CARS1: variants seen among roughly 807,000 people sequenced by gnomAD.
CARS1 encodes the protein cysteine--tRNA ligase, cytoplasmic.
Under a neutral mutation model 106.2 loss-of-function variants are expected in CARS1, and 48 were observed. The ratio of observed to expected loss-of-function variants is 0.45; its 90% confidence interval spans 0.36 to 0.57. The LOEUF (loss-of-function observed/expected upper bound fraction) is 0.57, where lower values mean the gene tolerates loss of function less well. CARS1 is among the 20% of genes least tolerant of loss of function. The pLI is 0.00. For synonymous variants in CARS1, 409 were observed against 403.4 expected, an observed-to-expected ratio of 1.01 and a Z score of -0.17; for missense variants, 968 against 1,057.2, an observed-to-expected ratio of 0.92 and a Z score of 1.17.
In CARS1 at chr11:3,043,939, G is replaced by C. The variant is rs563538203; in HGVS notation, c.275-1683C>G. On this transcript the variant is annotated intron_variant, in intron 2 of 22. Transcript: ENST00000380525. This position sits in a 1 kb window ranked among gnomAD's most constrained non-coding sequence, Gnocchi z 4.0. The stretch of plus-strand genomic sequence containing the variant: ...GTCACAGGTGGTCAGATTCTAAAGC[G>C]TAGGCAATCTCCAATCTTAATCAAA... 6.6e-6 allele frequency among the ~76,000 whole-genome samples: 1 copy of C among 152,266 alleles called. No homozygotes were observed. Among genetic ancestry groups the C allele is most frequent in the African/African-American group, 2.4e-5 (1 of 41,558 alleles).
Position 3,019,027 on chromosome 11 carries a change from G to A in CARS1, c.1395+112C>T. 1.6e-6 allele frequency: 2 copies of A among 1,253,088 alleles called. No individual in the cohort carries two copies. The highest frequency in any genetic ancestry group is 2.4e-5 in the East Asian group (1 of 42,202). 77.6% of individuals were successfully genotyped at this position (1,253,088 alleles called of 1,614,324 possible). A position where few individuals can be genotyped will look rare whatever the true frequency, so the allele number is the denominator to read the frequency against. On this transcript the variant is annotated intron_variant, in intron 12 of 22. Coordinates refer to ENST00000380525, the MANE Select transcript of CARS1 (RefSeq NM_001014437.3). This position sits in a 1 kb window ranked among gnomAD's most constrained non-coding sequence, Gnocchi z 6.2. Reference sequence around the variant, plus strand: ...GATTCCACCCACAAGCCCCGATGAAGGTGTCAAGTTCTAGTGAGAGAGGCC... The same window carrying A: ...GATTCCACCCACAAGCCCCGATGAAAGTGTCAAGTTCTAGTGAGAGAGGCC...
In CARS1 at chr11:3,046,618, C is replaced by T. The variant is rs766254083; in HGVS notation, c.274+1135G>A. The stretch of plus-strand genomic sequence containing the variant: ...AAACAGTGATCTAGCAGAGGCCTGA[C>T]CCACGGCAGAGGCGGGGGGGCATGT... On this transcript the variant is annotated intron_variant, in intron 2 of 22. Transcript: ENST00000380525. The surrounding 1 kb of genome is among the most constrained non-coding windows in gnomAD (Gnocchi z 5.8). 1.3e-5 allele frequency among the ~76,000 whole-genome samples: 2 copies of T among 152,220 alleles called. No homozygotes were observed. Among genetic ancestry groups the T allele is most frequent in the South Asian group, 4.1e-4 (2 of 4,834 alleles).
At chr11:3,055,285 G>A (rs960477526) in intron 1 of CARS1, among the ~76,000 whole-genome samples, 3 of 152,074 alleles carry the variant, frequency 2.0e-5, no homozygotes, top group Non-Finnish European at 4.4e-5. Flanking sequence ...CTCAGCCTCC[G>A]AGTAGTCAGG....
Position 3,019,627 on chromosome 11 carries a change from C to T in CARS1, c.1267-360G>A, listed in dbSNP as rs184035066. ...GCTGAGGCAGGAGAATTGCTTGAACCGGGACTAGGAGGCAGAGGTTGCAGT... is the reference window on the plus strand; with the variant it reads ...GCTGAGGCAGGAGAATTGCTTGAACTGGGACTAGGAGGCAGAGGTTGCAGT... On this transcript the variant is annotated intron_variant, in intron 11 of 22. Transcript: ENST00000380525. This position sits in a 1 kb window ranked among gnomAD's most constrained non-coding sequence, Gnocchi z 6.2. Among the ~76,000 whole-genome samples, 12 of 151,526 alleles carry T rather than the reference C, an allele frequency of 7.9e-5. No homozygotes were observed. The highest frequency in any genetic ancestry group is 1.7e-4 in the African/African-American group (7 of 41,268).
At position 3,018,225 on chromosome 11, in the gene CARS1, C is replaced by G. The variant is rs1249109437; in HGVS notation, c.1629+183G>C. The G allele has an allele frequency of 1.1e-5, 7 of 614,034 alleles. No individual in the cohort carries two copies. The African/African-American group carries it at 1.3e-4, about 11-fold the overall frequency. 38.0% of individuals were successfully genotyped at this position (614,034 alleles called of 1,614,324 possible). A position where few individuals can be genotyped will look rare whatever the true frequency, so the allele number is the denominator to read the frequency against. ...CGAGGCCTCTGTCCACTCTGCTGAG[C>G]CGTCAGCCATTTCAGGAGTGGCCCC... On this transcript the variant is annotated intron_variant, in intron 14 of 22. Transcript: ENST00000380525.
rs186696843 is a variant in CARS1, at chr11:3,032,028, C to T, written c.802-2585G>A. Among the ~76,000 whole-genome samples the T allele has an allele frequency of 4.8e-3, 69 of 14,414 alleles. 5 individuals are homozygous for T. Among genetic ancestry groups the T allele is most frequent in the African/African-American group, 0.012 (54 of 4,592 alleles). 9.5% of individuals were successfully genotyped at this position (14,414 alleles called of 152,430 possible). ...CCTCCCTCCCTCCCTCCCTCCCTCC[C>T]TCCCTCCCTCCCTCCCTCCCTCCCT... On this transcript the variant is annotated intron_variant, in intron 7 of 22. Coordinates refer to ENST00000380525, the MANE Select transcript of CARS1 (RefSeq NM_001014437.3).
Position 3,002,062 on chromosome 11 carries a change from C to G in CARS1, c.2278-9G>C. On this transcript the variant is annotated splice_polypyrimidine_tract_variant and intron_variant, in intron 21 of 22. Coordinates refer to ENST00000380525, the MANE Select transcript of CARS1 (RefSeq NM_001014437.3). ...TTGGCCAGCTTTGCTGCCTAGAACA[C>G]GCAACACGGCACAGTCACTGCCCCC... is the stretch of plus-strand genomic sequence containing the variant. The G allele has an allele frequency of 6.3e-7, 1 of 1,599,934 alleles. No homozygotes were observed. Among genetic ancestry groups the G allele is most frequent in the Non-Finnish European group, 8.6e-7 (1 of 1,167,366 alleles).
chr11:3,008,411 G>C lies in CARS1; in HGVS notation c.2069-1452C>G, dbSNP rs2134099328. ...TGAGGCGGGTGGATCACAAGGTCAG[G>C]AGATCGAGACCATCCTGGCCAACAT... On this transcript the variant is annotated intron_variant, in intron 18 of 22. Transcript: ENST00000380525. The surrounding 1 kb of genome is among the most constrained non-coding windows in gnomAD (Gnocchi z 5.1). 6.6e-6 allele frequency: 1 copy of C among 152,356 alleles called. No homozygotes were observed. Among genetic ancestry groups the C allele is most frequent in the South Asian group, 2.1e-4 (1 of 4,824 alleles). 9.4% of individuals were successfully genotyped at this position (152,356 alleles called of 1,614,324 possible).
At position 3,034,882 on chromosome 11, in the gene CARS1, GC is replaced by G. The variant is rs1393250728; in HGVS notation, c.801+3167del. Reference sequence around the variant, plus strand: ...AAATTTATTTCTTACAATTCTGTAGGCTGGAAAGTTCAAGGTCAAGGGGCCA... The same window carrying G: ...AAATTTATTTCTTACAATTCTGTAGGTGGAAAGTTCAAGGTCAAGGGGCCA... On this transcript the variant is annotated intron_variant, in intron 7 of 22. Coordinates refer to ENST00000380525, the MANE Select transcript of CARS1 (RefSeq NM_001014437.3). The surrounding 1 kb of genome is among the most constrained non-coding windows in gnomAD (Gnocchi z 6.3). Among the ~76,000 whole-genome samples the G allele has an allele frequency of 6.6e-6, 1 of 152,096 alleles. No homozygotes were observed. The highest frequency in any genetic ancestry group is 1.5e-5 in the Non-Finnish European group (1 of 68,018).
chr11:3,038,141 C>T lies in CARS1; in HGVS notation c.710G>A (p.Arg237Gln), dbSNP rs1309038916. 4 of 1,613,950 alleles carry T rather than the reference C, an allele frequency of 2.5e-6. No individual in the cohort carries two copies. Among genetic ancestry groups the T allele is most frequent in the African/African-American group, 1.3e-5 (1 of 74,908 alleles). ...TDPDKKQMLE[R>Q]IQHAVQLATE... is the part of the protein sequence containing the mutation. Reference sequence around the variant, plus strand: ...GGCAAGCTGCACTGCGTGCTGAATCCGTTCGAGCATCTGCTTTTTATCGGG... The same window carrying T: ...GGCAAGCTGCACTGCGTGCTGAATCTGTTCGAGCATCTGCTTTTTATCGGG... Residue 237 changes from arginine (R) to glutamine (Q), a missense_variant, in exon 7 of 23, where the codon CGG becomes CAG. Transcript: ENST00000380525. The surrounding 1 kb of genome is among the most constrained non-coding windows in gnomAD (Gnocchi z 4.0).
At chr11:3,018,376 C>A in intron 14 of CARS1, 32 bp downstream of exon 14, 1 of 1,476,960 alleles carries the variant, frequency 6.8e-7, no homozygotes, top group Non-Finnish European at 9.5e-7. Context: ...GAGGCTGCTC[C>A]ACCAACCTCC....
chr11:3,034,298 G>A lies in CARS1; in HGVS notation c.801+3752C>T, dbSNP rs1278811690. On this transcript the variant is annotated intron_variant, in intron 7 of 22. Transcript: ENST00000380525. This position sits in a 1 kb window ranked among gnomAD's most constrained non-coding sequence, Gnocchi z 6.3. ...TGCAGTGGCGTGATCTCGGCTCACT[G>A]CAACCTCCGCCTCCTGGTTTCAAGC... Among the ~76,000 whole-genome samples the A allele has an allele frequency of 6.6e-6, 1 of 152,036 alleles. No individual in the cohort carries two copies. The highest frequency in any genetic ancestry group is 1.9e-4 in the East Asian group (1 of 5,196).
chr11:3,036,468 A>C (rs1276421550), intron 7 of CARS1, among the ~76,000 whole-genome samples: 4 of 152,246 alleles, frequency 2.6e-5, no homozygotes, highest in Non-Finnish European at 5.9e-5. Flanking sequence ...AGGAAATGCA[A>C]ACCAAAACCA....
intron 17 of CARS1, among the ~76,000 whole-genome samples, chr11:3,012,884 C>CTT (rs768906268): frequency 0.017 from 1,974 of 116,854 alleles, 81 homozygotes; most frequent in African/African-American, 0.061. Flanking sequence ...CTATATTTCC[C>CTT]TTTTTTTTTT....
chr11:3,025,462 A>G (rs1045066417), intron 10 of CARS1, among the ~76,000 whole-genome samples: 1 of 152,230 alleles, frequency 6.6e-6, no homozygotes, highest in Non-Finnish European at 1.5e-5. Context: ...TCCCAACCTC[A>G]GGTGATCCAC....
chr11:3,001,917 T>C, intron 22 of CARS1, 53 bp downstream of exon 22: 1 of 1,341,170 alleles, frequency 7.5e-7, no homozygotes, highest in Non-Finnish European at 1.1e-6. Flanking sequence ...CCTCCCACTT[T>C]AATGTGGTCT....
intron 17 of CARS1, among the ~76,000 whole-genome samples, chr11:3,014,233 G>A (rs1370866615): frequency 6.6e-6 from 1 of 152,216 alleles, no homozygotes; most frequent in East Asian, 1.9e-4. Context: ...AACGCCTGGG[G>A]CTGCAACCCC....
Position 3,047,739 on chromosome 11 carries a change from ACT to A in CARS1, c.274+12_274+13del. On this transcript the variant is annotated intron_variant, in intron 2 of 22. Coordinates refer to ENST00000380525, the MANE Select transcript of CARS1 (RefSeq NM_001014437.3). The stretch of plus-strand genomic sequence containing the variant: ...AGAGGTTCTAATGGCCAGGGAACCC[ACT>A]CTGTTACTCACTTGCTTGGAGCCTG... 6.3e-7 allele frequency: 1 copy of A among 1,597,272 alleles called. No homozygotes were observed. The highest frequency in any genetic ancestry group is 8.6e-7 in the Non-Finnish European group (1 of 1,169,086).
intron 7 of CARS1, among the ~76,000 whole-genome samples, chr11:3,031,782 T>C (rs1490608005): frequency 6.6e-6 from 1 of 152,140 alleles, no homozygotes; most frequent in Admixed American, 6.5e-5. Context: ...CAGAGATTGC[T>C]GCAGGCTTGG....
Sources: allele counts gnomAD v4.1 joint callset (sites outside exome capture counted in the v4.1 genomes callset), GRCh38; gene constraint gnomAD v4.1.1; non-coding constraint Gnocchi (gnomAD v3.1); transcripts MANE v1.5; gene names NCBI Gene and HGNC (gene_info 2026-07-23, HGNC 2026-07-21).